The following INSL6 variants were observed in gnomAD, a reference collection of about 807,000 sequenced individuals.
INSL6 encodes insulin-like peptide INSL6.
Under a neutral mutation model 9.4 loss-of-function variants are expected in INSL6, and 16 were observed. That is an observed-to-expected ratio of 1.70 (90% CI 1.15 to 2.59). The LOEUF is 2.59. INSL6 is among the 30% of genes most tolerant of loss of function. INSL6 has a pLI of 0.00. For missense variants in INSL6, 391 were observed against 257.3 expected (o/e 1.52, Z -3.56); for synonymous variants, 154 against 96.9 (o/e 1.59, Z -3.46).
intron 2 of INSL6, among the ~76,000 whole-genome samples, chr9:5,134,054 G>A (rs1261625628): frequency 6.6e-6 from 1 of 152,120 alleles, no homozygotes; most frequent in Non-Finnish European, 1.5e-5. Context: ...GCATACACGA[G>A]TATCAACAGC....
chr9:5,173,938 A>G (rs1825241546), intron 1 of INSL6, among the ~76,000 whole-genome samples: 1 of 152,134 alleles, frequency 6.6e-6, no homozygotes, highest in Non-Finnish European at 1.5e-5. Context: ...CTGAAAAAGA[A>G]CTTGCATCGA....
At chr9:5,075,213 A>G in the INSL6 span, among the ~76,000 whole-genome samples, 1 of 152,190 alleles carries the variant, frequency 6.6e-6, no homozygotes, top group Non-Finnish European at 1.5e-5. Context: ...GAAGCAGCAA[A>G]TGCTGATGTG....
chr9:5,120,512 C>T (rs1396036449), downstream of INSL6, among the ~76,000 whole-genome samples: 1 of 152,118 alleles, frequency 6.6e-6, no homozygotes, highest in African/African-American at 2.4e-5. Context: ...TTTAAGCTAA[C>T]AATATGGTTG....
chr9:5,090,983 G>C, the INSL6 span: 3 of 1,113,312 alleles, frequency 2.7e-6, no homozygotes, highest in Non-Finnish European at 3.8e-6. Context: ...TTATTTAATA[G>C]TTTGCCATTT....
chr9:5,148,073 A>T (rs750495208), intron 2 of INSL6, among the ~76,000 whole-genome samples: 1 of 152,204 alleles, frequency 6.6e-6, no homozygotes, highest in Non-Finnish European at 1.5e-5. Flanking sequence ...ACTCACTGCT[A>T]GTGAGCTAAC....
chr9:5,121,165 C>G (rs2130846655), downstream of INSL6, among the ~76,000 whole-genome samples: 1 of 152,198 alleles, frequency 6.6e-6, no homozygotes, highest in East Asian at 1.9e-4. Flanking sequence ...ACCCAGAAAA[C>G]CTTTCCACAA....
chr9:5,030,749 ATTGTT>A, the INSL6 span, among the ~76,000 whole-genome samples: 3 of 152,072 alleles, frequency 2.0e-5, no homozygotes, highest in Non-Finnish European at 2.9e-5. Context: ...AAATTTTAGT[ATTGTT>A]TTGCTTCTTT....
the INSL6 span, among the ~76,000 whole-genome samples, chr9:5,008,566 G>T: frequency 6.6e-6 from 1 of 152,088 alleles, no homozygotes; most frequent in African/African-American, 2.4e-5. Flanking sequence ...TCTAAAGAGG[G>T]ACCAATCTGA....
chr9:5,017,595 C>T, the INSL6 span, among the ~76,000 whole-genome samples: 6 of 152,020 alleles, frequency 3.9e-5, no homozygotes, highest in Admixed American at 2.6e-4. Context: ...CATCTTTCTT[C>T]CTTTTTGATG....
intron 1 of INSL6, among the ~76,000 whole-genome samples, chr9:5,167,739 G>C (rs1825087267): frequency 6.6e-6 from 1 of 152,170 alleles, no homozygotes. Flanking sequence ...GCTCTACCAA[G>C]GGGCAGCCAG....
chr9:5,042,132 T>TC, the INSL6 span, among the ~76,000 whole-genome samples: 1 of 131,774 alleles, frequency 7.6e-6, no homozygotes, highest in African/African-American at 2.6e-5. Context: ...TTCTTTTTTT[T>TC]TTTTTTTTTT....
chr9:5,036,186 T>C, the INSL6 span, among the ~76,000 whole-genome samples: 2 of 152,144 alleles, frequency 1.3e-5, no homozygotes, highest in Non-Finnish European at 2.9e-5. Flanking sequence ...GAAGGACCTC[T>C]TCAAGGAGAA....
chr9:5,138,257 A>G (rs1262995027), intron 2 of INSL6, among the ~76,000 whole-genome samples: 1 of 152,214 alleles, frequency 6.6e-6, no homozygotes, highest in Non-Finnish European at 1.5e-5. Flanking sequence ...ATTATAAATC[A>G]CGCTACTATA....
the INSL6 span, among the ~76,000 whole-genome samples, chr9:5,073,137 T>C: frequency 1.3e-5 from 2 of 152,168 alleles, no homozygotes; most frequent in African/African-American, 4.8e-5. Context: ...TGTTAGAAGA[T>C]GATGTGAAAA....
the INSL6 span, chr9:5,080,184 T>G: frequency 7.1e-7 from 1 of 1,405,744 alleles, no homozygotes; most frequent in South Asian, 1.4e-5. Flanking sequence ...AAGATTGGTT[T>G]ACTTGTGAAT....
At chr9:5,027,618 T>C in the INSL6 span, among the ~76,000 whole-genome samples, 2 of 152,306 alleles carry the variant, frequency 1.3e-5, no homozygotes, top group African/African-American at 4.8e-5. Flanking sequence ...TGCTATTTGA[T>C]AGCATTTTAC....
the INSL6 span, chr9:5,041,303 A>C: frequency 2.4e-5 from 20 of 848,422 alleles, no homozygotes; most frequent in Non-Finnish European, 3.6e-5. Flanking sequence ...CAGGACCAAG[A>C]AGCACATCCC....
chr9:5,099,980 T>C, the INSL6 span: 4 of 152,208 alleles, frequency 2.6e-5, no homozygotes, highest in Non-Finnish European at 5.9e-5. Context: ...CCTATACTAG[T>C]AATCATTGAA....
chr9:5,166,048 C>T (rs1321000961), intron 1 of INSL6, among the ~76,000 whole-genome samples: 3 of 152,118 alleles, frequency 2.0e-5, no homozygotes, highest in Non-Finnish European at 4.4e-5. Flanking sequence ...CAGATTTCCT[C>T]AGTTTGAAAC....
Sources: allele counts gnomAD v4.1 joint callset (sites outside exome capture counted in the v4.1 genomes callset), GRCh38; gene constraint gnomAD v4.1.1; transcripts MANE v1.5; gene names NCBI Gene and HGNC (gene_info 2026-07-23, HGNC 2026-07-21).